C10orf90: variants seen among roughly 807,000 people sequenced by gnomAD.
C10orf90 encodes the protein (E2-independent) E3 ubiquitin-conjugating enzyme FATS.
Under a neutral mutation model 62.5 loss-of-function variants are expected in C10orf90, and 56 were observed. The observed-to-expected ratio is 0.90, with a 90% confidence interval of 0.72 to 1.12. The LOEUF (loss-of-function observed/expected upper bound fraction) is 1.12. C10orf90 is among the 50% of genes most tolerant of loss of function. The pLI, the probability that C10orf90 is intolerant of heterozygous loss-of-function variation, is 0.00. For synonymous variants in C10orf90, 386 were observed against 340.4 expected (o/e 1.13, Z -1.47); for missense variants, 970 against 880.4 (o/e 1.10, Z -1.29).
chr10:126,644,718 C>T (rs371403888), intron 2 of C10orf90, among the ~76,000 whole-genome samples: 5 of 152,268 alleles, frequency 3.3e-5, no homozygotes, highest in South Asian at 2.1e-4. Flanking sequence ...TGGAAGTGCC[C>T]GGTCCTAAGA....
intron 3 of C10orf90, among the ~76,000 whole-genome samples, chr10:126,512,398 GTGTGTCTGTGTGTC>G: frequency 4.9e-5 from 1 of 20,510 alleles, no homozygotes; most frequent in African/African-American, 1.1e-4. Flanking sequence ...GTGTGTGTGT[GTGTGTCTGTGTGTC>G]TGTGTGTGTG....
chr10:126,613,032 T>A (rs1337725218), intron 2 of C10orf90, among the ~76,000 whole-genome samples: 2 of 152,184 alleles, frequency 1.3e-5, no homozygotes, highest in Non-Finnish European at 1.5e-5. Flanking sequence ...TTACGCACCT[T>A]TGAATATAAT....
intron 2 of C10orf90, among the ~76,000 whole-genome samples, chr10:126,620,848 T>C (rs1033948518): frequency 1.3e-5 from 2 of 152,134 alleles, no homozygotes; most frequent in African/African-American, 4.8e-5. Context: ...TTTCAGTAAA[T>C]GGAAGGGAGG....
chr10:126,533,403 G>T (rs1026250989), intron 2 of C10orf90, among the ~76,000 whole-genome samples: 18 of 152,184 alleles, frequency 1.2e-4, no homozygotes, highest in African/African-American at 4.3e-4. Flanking sequence ...GCATTCCTAC[G>T]TTCCTTGAAC....
chr10:126,508,979 C>T (rs1394318088), intron 3 of C10orf90, among the ~76,000 whole-genome samples: 2 of 152,306 alleles, frequency 1.3e-5, no homozygotes, highest in East Asian at 3.9e-4. Flanking sequence ...CCTGAAGCCA[C>T]AGCCAGAGCC....
At chr10:126,633,597 C>T (rs941436687) in intron 2 of C10orf90, among the ~76,000 whole-genome samples, 1 of 152,172 alleles carries the variant, frequency 6.6e-6, no homozygotes, top group Non-Finnish European at 1.5e-5. Flanking sequence ...AGCATGGAGA[C>T]CAACTGTGCA....
At chr10:126,484,215 C>T (rs1351888433) in intron 4 of C10orf90, among the ~76,000 whole-genome samples, 10 of 151,778 alleles carry the variant, frequency 6.6e-5, no homozygotes, top group East Asian at 1.9e-4. Flanking sequence ...TTCATGAATA[C>T]GCCAATTCCC....
chr10:126,615,212 C>A (rs1845516540), intron 2 of C10orf90, among the ~76,000 whole-genome samples: 1 of 152,188 alleles, frequency 6.6e-6, no homozygotes, highest in Admixed American at 6.5e-5. Context: ...TTGTTAAGAT[C>A]CTTTTGCCTA....
intron 4 of C10orf90, among the ~76,000 whole-genome samples, chr10:126,470,786 AAAAG>A (rs1860543713): frequency 6.6e-6 from 1 of 152,048 alleles, no homozygotes; most frequent in African/African-American, 2.4e-5. Context: ...GAAGAAAAAG[AAAAG>A]AAAGAGAGAG....
At chr10:126,512,376 G>A (rs1564847044) in intron 3 of C10orf90, among the ~76,000 whole-genome samples, 33 of 60,380 alleles carry the variant, frequency 5.5e-4, no homozygotes, top group African/African-American at 2.6e-3. Flanking sequence ...GTGTGTCTGT[G>A]TGTGTGTGTC....
chr10:126,663,291 GC>G (rs1846554716), intron 1 of C10orf90, among the ~76,000 whole-genome samples: 1 of 152,066 alleles, frequency 6.6e-6, no homozygotes, highest in South Asian at 2.1e-4. Flanking sequence ...TCTGTAGTTA[GC>G]TCTGAACCTC....
At chr10:126,516,262 C>A (rs1170491164) in intron 2 of C10orf90, among the ~76,000 whole-genome samples, 1 of 152,196 alleles carries the variant, frequency 6.6e-6, no homozygotes, top group Non-Finnish European at 1.5e-5. Context: ...GTATGGAAAG[C>A]ATTCGGGCAG....
At chr10:126,515,206 A>G (rs1172484365) in intron 2 of C10orf90, among the ~76,000 whole-genome samples, 1 of 152,252 alleles carries the variant, frequency 6.6e-6, no homozygotes, top group Non-Finnish European at 1.5e-5. Context: ...CTGACGCTGT[A>G]GCCATCAGAA....
Position 126,520,473 on chromosome 10 carries a change from C to T in C10orf90, c.314-6534G>A, listed in dbSNP as rs41306013. 7.5e-3 allele frequency: 1,148 copies of T among 152,476 alleles called. 2 individuals carry two copies. Among genetic ancestry groups the T allele is most frequent in the South Asian group, 0.015 (73 of 4,830 alleles). 9.4% of individuals were successfully genotyped at this position (152,476 alleles called of 1,614,324 possible). A position where few individuals can be genotyped will look rare whatever the true frequency, so the allele number is the denominator to read the frequency against. The stretch of plus-strand genomic sequence containing the variant: ...TTCCCACAGGGGCTGGCTTGATGAC[C>T]GTGAGTGCTGCCTTCACCTTTTCCC... On this transcript the variant is annotated intron_variant, in intron 2 of 9. Coordinates refer to ENST00000488181, the MANE Select transcript of C10orf90 (RefSeq NM_001350921.2).
intron 4 of C10orf90, among the ~76,000 whole-genome samples, chr10:126,476,164 G>C (rs999003093): frequency 1.3e-5 from 2 of 152,156 alleles, no homozygotes; most frequent in Admixed American, 1.3e-4. Context: ...AAGGCTGCAG[G>C]ATTCCCGTGG....
intron 2 of C10orf90, among the ~76,000 whole-genome samples, chr10:126,541,118 T>C (rs1284439265): frequency 1.3e-5 from 2 of 152,146 alleles, no homozygotes; most frequent in Non-Finnish European, 1.5e-5. Flanking sequence ...AATTTTTATA[T>C]GACAAATGTA....
At chr10:126,594,108 CT>C (rs5788794) in intron 2 of C10orf90, among the ~76,000 whole-genome samples, 5,108 of 131,990 alleles carry the variant, frequency 0.039, 100 homozygotes, top group Admixed American at 0.081. Flanking sequence ...ACCAGGCTTG[CT>C]TTTTTTTTTT....
At chr10:126,480,081 T>C (rs1861092128) in intron 4 of C10orf90, among the ~76,000 whole-genome samples, 1 of 152,198 alleles carries the variant, frequency 6.6e-6, no homozygotes, top group Non-Finnish European at 1.5e-5. Context: ...TCCAGAAAAT[T>C]TTACTGGGAA....
At chr10:126,429,926 T>C (rs1857475060) in intron 7 of C10orf90, 76 bp from the exon 8 acceptor site, 4 of 1,286,858 alleles carry the variant, frequency 3.1e-6, no homozygotes, top group African/African-American at 2.9e-5. Flanking sequence ...TTGTGATTAG[T>C]TCATAATCCG....
Sources: gnomAD v4.1 joint callset for allele counts (sites outside exome capture counted in the v4.1 genomes callset) on GRCh38, gnomAD v4.1.1 for gene constraint, MANE v1.5 for transcripts, NCBI Gene and HGNC (gene_info 2026-07-23, HGNC 2026-07-21) for gene names.